OPA1: variants seen among roughly 807,000 people sequenced by gnomAD.
The protein encoded by OPA1 is dynamin-like GTPase OPA1, mitochondrial.
A neutral mutation model predicts 152.9 loss-of-function variants in OPA1; 59 were observed. The ratio of observed to expected loss-of-function variants is 0.39; its 90% CI spans 0.31 to 0.48. OPA1 has a LOEUF of 0.48. Among genes scored for constraint, OPA1 ranks in the 20% least tolerant of loss-of-function variants. The pLI, the probability that OPA1 is intolerant of heterozygous loss-of-function variation, is 0.96. For synonymous variants in OPA1, 400 were observed against 389.9 expected, an observed-to-expected ratio of 1.03 and a Z score of -0.31; for missense variants, 1,008 against 1,216.8, an observed-to-expected ratio of 0.83 and a Z score of 2.55.
In OPA1 at chr3:193,614,780, A is replaced by G. The variant is rs1428933514; in HGVS notation, c.90A>G (p.Leu30=). The change falls in exon 2 of 31, where the codon CTA becomes CTG. Residue 30 remains leucine (L), a synonymous_variant. Transcript: ENST00000361510. ...CTGGAATAAAAGGAAGTTTACCACT[A>G]CAAAAACTACATCTGGTTTCACGAA... is the stretch of plus-strand genomic sequence containing the variant. ...HSSGIKGSLP[L]QKLHLVSRSI... is the part of the protein sequence containing the mutation. The G allele has an allele frequency of 6.8e-6, 11 of 1,614,128 alleles. No individual in the cohort carries two copies. The highest frequency in any genetic ancestry group is 2.2e-5 in the East Asian group (1 of 44,878).
At chr3:193,632,036 C>T (rs1195544051) in intron 8 of OPA1, among the ~76,000 whole-genome samples, 4 of 152,188 alleles carry the variant, frequency 2.6e-5, no homozygotes. Context: ...CTTTACTTTG[C>T]TTCGCAAGTC....
chr3:193,616,246 A>G (rs987305612), intron 3 of OPA1, among the ~76,000 whole-genome samples: 1 of 152,138 alleles, frequency 6.6e-6, no homozygotes, highest in African/African-American at 2.4e-5. Flanking sequence ...TCCTTAGCTC[A>G]AACCTCTCAC....
At chr3:193,657,033 G>A in intron 22 of OPA1, 47 bp from the exon 23 acceptor site, 1 of 1,502,346 alleles carries the variant, frequency 6.7e-7, no homozygotes, top group Admixed American at 1.9e-5. Flanking sequence ...GTTAACCATT[G>A]AAGTATGTAG....
intron 29 of OPA1, among the ~76,000 whole-genome samples, chr3:193,674,797 A>G (rs1210358649): frequency 6.6e-6 from 1 of 152,198 alleles, no homozygotes; most frequent in Non-Finnish European, 1.5e-5. Context: ...TCGTCTGTGA[A>G]GTAGTATGAG....
At chr3:193,625,059 A>C (rs1342570804) in intron 6 of OPA1, among the ~76,000 whole-genome samples, 1 of 152,080 alleles carries the variant, frequency 6.6e-6, no homozygotes, top group East Asian at 1.9e-4. Context: ...TAGGATTTCT[A>C]ATTAAGAAAA....
intron 25 of OPA1, among the ~76,000 whole-genome samples, chr3:193,660,357 C>G (rs560546358): frequency 6.6e-6 from 1 of 152,134 alleles, no homozygotes; most frequent in Non-Finnish European, 1.5e-5. Flanking sequence ...AATATAGAAT[C>G]TAACTACATA....
At chr3:193,675,338 A>AAC (rs1553791138) in intron 29 of OPA1, among the ~76,000 whole-genome samples, 59 of 134,958 alleles carry the variant, frequency 4.4e-4, no homozygotes, top group South Asian at 1.8e-3. Flanking sequence ...AAAAAAAAAA[A>AAC]AAAAAAAAAA....
At chr3:193,598,288 G>A (rs1725919556) in intron 1 of OPA1, among the ~76,000 whole-genome samples, 2 of 152,156 alleles carry the variant, frequency 1.3e-5, no homozygotes, top group Non-Finnish European at 2.9e-5. Flanking sequence ...AGTTGAACAT[G>A]TGTCATTCTA....
At chr3:193,604,860 C>CAAAAAAAAAAAAAAAAAAAAAAAAAAA (rs55904490) in intron 1 of OPA1, among the ~76,000 whole-genome samples, 1 of 104,592 alleles carries the variant, frequency 9.6e-6, no homozygotes, top group African/African-American at 3.8e-5. Flanking sequence ...AACTCCATCT[C>CAAAAAAAAAAAAAAAAAAAAAAAAAAA]AAAAAAAAAA....
chr3:193,688,449 C>CTTTT (rs766448341), intron 29 of OPA1, among the ~76,000 whole-genome samples: 1 of 63,316 alleles, frequency 1.6e-5, no homozygotes, highest in Non-Finnish European at 3.3e-5. Flanking sequence ...TGGGTCTTTT[C>CTTTT]TTTTTTTTTT....
chr3:193,595,125 A>G (rs2108765214), intron 1 of OPA1, among the ~76,000 whole-genome samples: 1 of 152,322 alleles, frequency 6.6e-6, no homozygotes, highest in South Asian at 2.1e-4. Context: ...CAGTTTAGCT[A>G]CCTAAAGAAG....
chr3:193,653,396 G>A (rs1201553119), intron 21 of OPA1, among the ~76,000 whole-genome samples: 2 of 152,156 alleles, frequency 1.3e-5, no homozygotes, highest in Non-Finnish European at 2.9e-5. Flanking sequence ...TGGACAGCAG[G>A]ATATTTCTGC....
At chr3:193,662,729 T>G in intron 25 of OPA1, 93 bp from the exon 26 acceptor site, 1 of 992,292 alleles carries the variant, frequency 1.0e-6, no homozygotes, top group Non-Finnish European at 1.5e-6. Flanking sequence ...TTATCTTTTA[T>G]GCAATAGTAA....
intron 29 of OPA1, 52 bp from the exon 30 acceptor site, chr3:193,692,011 A>T: frequency 8.9e-7 from 1 of 1,118,342 alleles, no homozygotes; most frequent in South Asian, 1.4e-5. Flanking sequence ...TTACCTCCTG[A>T]TTTGTGATAC....
intron 29 of OPA1, among the ~76,000 whole-genome samples, chr3:193,676,945 C>T (rs906328717): frequency 1.3e-4 from 18 of 134,206 alleles, no homozygotes; most frequent in African/African-American, 2.6e-4. Flanking sequence ...CGCGCCACTG[C>T]ACTCCAGCCT....
intron 10 of OPA1, 71 bp from the exon 11 acceptor site, chr3:193,637,881 A>G (rs1190006433): frequency 2.4e-6 from 3 of 1,235,986 alleles, no homozygotes; most frequent in Non-Finnish European, 3.5e-6. Context: ...TCAGAGCAGC[A>G]TTACAAATAG....
chr3:193,682,490 A>G (rs912452407), intron 29 of OPA1, among the ~76,000 whole-genome samples: 3 of 152,358 alleles, frequency 2.0e-5, no homozygotes, highest in Admixed American at 2.0e-4. Context: ...GATGCCATCT[A>G]GTAATTTAAT....
At chr3:193,628,208 C>T (rs1393018413) in intron 7 of OPA1, among the ~76,000 whole-genome samples, 1 of 151,954 alleles carries the variant, frequency 6.6e-6, no homozygotes, top group African/African-American at 2.4e-5. Flanking sequence ...TTTTTTCTCT[C>T]TTATCTTCTT....
At chr3:193,676,698 T>A (rs1361158087) in intron 29 of OPA1, among the ~76,000 whole-genome samples, 2 of 152,154 alleles carry the variant, frequency 1.3e-5, no homozygotes, top group African/African-American at 4.8e-5. Flanking sequence ...GTCACCGTTG[T>A]GGCCGGGTGT....
Sources: allele counts gnomAD v4.1 joint callset (sites outside exome capture counted in the v4.1 genomes callset), GRCh38; gene constraint gnomAD v4.1.1; transcripts MANE v1.5; gene names NCBI Gene and HGNC (gene_info 2026-07-23, HGNC 2026-07-21).